The following LPIN2 variants were observed in gnomAD, a reference collection of about 807,000 sequenced individuals.
LPIN2 encodes the protein phosphatidate phosphatase LPIN2.
In LPIN2, 55 loss-of-function variants were observed where a neutral mutation model predicts 111.4. The ratio of observed to expected loss-of-function variants is 0.49; its 90% confidence interval spans 0.40 to 0.62. The LOEUF is 0.62. Among genes scored for constraint, LPIN2 ranks in the 20% least tolerant of loss-of-function variants. The pLI is 0.00. For synonymous variants in LPIN2, 425 were observed against 414.0 expected (o/e 1.03, Z -0.32); for missense variants, 992 against 1,112.1 (o/e 0.89, Z 1.54).
rs200839841 is a variant in LPIN2 at position 2,920,418 on chromosome 18, G to C, written c.2566C>G (p.Leu856Val). The C allele has an allele frequency of 7.2e-5, 116 of 1,613,840 alleles. No homozygotes were observed. The highest frequency in any genetic ancestry group is 6.1e-5 in the Non-Finnish European group (72 of 1,180,040). Residue 856 changes from leucine (L) to valine (V), a missense_variant, in exon 20 of 20, where the codon CTC (leucine) becomes GTC (valine). Transcript: ENST00000677752. ...AGAAGGGGGAACACATGCTCCACGA[G>C]CTCACTCAGCCTGTGATACCTAAGA... ...NKSSYHRLSE[L>V]VEHVFPLLSK... is the part of the protein sequence containing the mutation.
At chr18:3,001,402 A>G (rs186056477) in intron 1 of LPIN2, among the ~76,000 whole-genome samples, 46 of 107,932 alleles carry the variant, frequency 4.3e-4, no homozygotes, top group Admixed American at 1.1e-4. Context: ...ACTCCAGAGA[A>G]AAGAAAAATT....
intron 9 of LPIN2, 92 bp from the exon 10 acceptor site, chr18:2,929,250 T>G (rs2077180228): frequency 2.3e-6 from 2 of 868,776 alleles, no homozygotes; most frequent in South Asian, 2.9e-5. Context: ...AATTGAAGGC[T>G]AAAATCATCT....
At chr18:2,953,971 G>C (rs941823461) in intron 3 of LPIN2, among the ~76,000 whole-genome samples, 1 of 152,172 alleles carries the variant, frequency 6.6e-6, no homozygotes, top group African/African-American at 2.4e-5. Context: ...TCGTTTGCTA[G>C]AAGAAGTCAA....
chr18:3,009,182 G>C (rs186924049), intron 1 of LPIN2, among the ~76,000 whole-genome samples: 1 of 150,248 alleles, frequency 6.7e-6, no homozygotes, highest in African/African-American at 2.4e-5. Context: ...GGAGGATCAC[G>C]AGGTCAGGAG....
chr18:2,952,787 G>A (rs1277109885), intron 3 of LPIN2, among the ~76,000 whole-genome samples: 1 of 152,176 alleles, frequency 6.6e-6, no homozygotes, highest in Non-Finnish European at 1.5e-5. Flanking sequence ...TTTGTAGGAT[G>A]AAGATAACCT....
chr18:2,961,611 G>GGAAGTA (rs947552767), intron 1 of LPIN2, among the ~76,000 whole-genome samples: 3 of 152,190 alleles, frequency 2.0e-5, no homozygotes, highest in Admixed American at 1.3e-4. Flanking sequence ...TCAAAGGAGA[G>GGAAGTA]GAAGTACAGC....
intron 1 of LPIN2, among the ~76,000 whole-genome samples, chr18:3,011,132 T>C (rs2078595562): frequency 6.6e-6 from 1 of 152,054 alleles, no homozygotes; most frequent in Admixed American, 6.6e-5. Flanking sequence ...AAACCAAAAG[T>C]GCAATACAGG....
In LPIN2 at chr18:2,920,436, A is replaced by G; in HGVS notation, c.2548T>C (p.Tyr850His). The G allele has an allele frequency of 6.2e-7, 1 of 1,613,622 alleles. No individual in the cohort carries two copies. The highest frequency in any genetic ancestry group is 8.5e-7 in the Non-Finnish European group (1 of 1,180,024). The change falls in exon 20 of 20, where the codon TAT becomes CAT. Residue 850 changes from tyrosine (Y) to histidine (H), a missense_variant and splice_region_variant. Around this residue, in one of 4 missense-constraint regions of LPIN2, gnomAD observed 185 missense variants for 186.5 expected, o/e 0.99. Transcript: ENST00000677752. Reference protein sequence around the residue: ...QERTKGNKSSYHRLSELVEHV... With the variant: ...QERTKGNKSSHHRLSELVEHV... ...TCCACGAGCTCACTCAGCCTGTGAT[A>G]CCTAAGAGAAAGGTTGGGGAAGAGG...
chr18:3,006,080 A>T (rs1284669890), intron 1 of LPIN2, among the ~76,000 whole-genome samples: 1 of 152,178 alleles, frequency 6.6e-6, no homozygotes, highest in African/African-American at 2.4e-5. Flanking sequence ...AAACAGCATT[A>T]TTATCTGTAC....
intron 1 of LPIN2, among the ~76,000 whole-genome samples, chr18:3,006,024 T>C (rs1304643291): frequency 6.6e-6 from 1 of 152,214 alleles, no homozygotes; most frequent in Non-Finnish European, 1.5e-5. Context: ...ACCACATGGC[T>C]GTGGCCTCTG....
rs1254702360 is a variant in LPIN2, at chr18:2,958,145, AAAAAAAAAAAAACAAC to A, written c.192+2488_192+2503del. On this transcript the variant is annotated intron_variant, in intron 2 of 19. Coordinates refer to ENST00000677752, the MANE Select transcript of LPIN2 (RefSeq NM_001375808.2). The stretch of plus-strand genomic sequence containing the variant: ...CGACAAAGCGAGACTCCATCTCAAA[AAAAAAAAAAAAACAAC>A]AAAAAAAAAAAACAGAAAAAAGAAA... 2.0e-3 allele frequency among the ~76,000 whole-genome samples: 242 copies of A among 118,392 alleles called. 28 individuals carry two copies. Among genetic ancestry groups the A allele is most frequent in the Middle Eastern group, 0.011 (3 of 270 alleles). 77.7% of individuals were successfully genotyped at this position (118,392 alleles called of 152,430 possible).
chr18:2,923,249 C>T (rs2077081660), intron 16 of LPIN2, among the ~76,000 whole-genome samples: 1 of 151,804 alleles, frequency 6.6e-6, no homozygotes, highest in Non-Finnish European at 1.5e-5. Flanking sequence ...GATGAAACCC[C>T]ATCTGTACTA....
intron 1 of LPIN2, among the ~76,000 whole-genome samples, chr18:2,971,039 T>G (rs994069850): frequency 6.6e-6 from 1 of 152,190 alleles, no homozygotes; most frequent in African/African-American, 2.4e-5. Flanking sequence ...AGACCTTTAC[T>G]CAACGACAGT....
intron 2 of LPIN2, among the ~76,000 whole-genome samples, chr18:2,959,885 G>C (rs2077681112): frequency 6.6e-6 from 1 of 152,124 alleles, no homozygotes; most frequent in Non-Finnish European, 1.5e-5. Flanking sequence ...AATATGGCCA[G>C]GTGCGGTGGC....
chr18:2,960,917 G>T, intron 1 of LPIN2, 68 bp from the exon 2 acceptor site: 1 of 1,330,090 alleles, frequency 7.5e-7, no homozygotes, highest in East Asian at 2.5e-5. Flanking sequence ...AGAAATAACA[G>T]TCGTAACAAA....
At chr18:2,998,750 G>C (rs2078383432) in intron 1 of LPIN2, among the ~76,000 whole-genome samples, 1 of 152,196 alleles carries the variant, frequency 6.6e-6, no homozygotes, top group Admixed American at 6.5e-5. Context: ...GTATAACATG[G>C]AGGGACAGAG....
intron 1 of LPIN2, among the ~76,000 whole-genome samples, chr18:3,008,778 A>T (rs1383762962): frequency 6.6e-6 from 1 of 152,064 alleles, no homozygotes; most frequent in Non-Finnish European, 1.5e-5. Context: ...AGTGGCGTGA[A>T]CATGGCTCAC....
At chr18:2,944,315 C>T (rs2077412126) in intron 4 of LPIN2, among the ~76,000 whole-genome samples, 1 of 133,444 alleles carries the variant, frequency 7.5e-6, no homozygotes, top group South Asian at 2.4e-4. Flanking sequence ...TTCTGATATC[C>T]TAATGTATTT....
rs116056825 is a variant in LPIN2, at chr18:2,936,762, T to C, written c.1168+930A>G. Among the ~76,000 whole-genome samples the C allele has an allele frequency of 7.9e-3, 1,209 of 152,200 alleles. 16 individuals are homozygous for C. The highest frequency in any genetic ancestry group is 0.027 in the African/African-American group (1,138 of 41,520). ...GCCAGGCTCAGTTTTTTATGTTTGATAGAGACAGGGTTTCACTATGTTGCC... is the reference window on the plus strand; with the variant it reads ...GCCAGGCTCAGTTTTTTATGTTTGACAGAGACAGGGTTTCACTATGTTGCC... On this transcript the variant is annotated intron_variant, in intron 7 of 19. Transcript: ENST00000677752.
Sources: gnomAD v4.1 joint callset for allele counts (sites outside exome capture counted in the v4.1 genomes callset) on GRCh38, gnomAD v4.1.1 for gene constraint, gnomAD v4.1.1 regional missense constraint, MANE v1.5 for transcripts, NCBI Gene and HGNC (gene_info 2026-07-23, HGNC 2026-07-21) for gene names.